The following JAK1 variants were observed in gnomAD, a reference collection of about 807,000 sequenced individuals.
JAK1 encodes the protein tyrosine-protein kinase JAK1.
A neutral mutation model predicts 136.6 loss-of-function variants in JAK1; 16 were observed. The observed-to-expected ratio is 0.12, with a 90% CI of 0.08 to 0.18. The LOEUF is 0.18. JAK1 is among the 10% of genes least tolerant of loss of function. JAK1 has a pLI of 1.00. For missense variants in JAK1, 859 were observed against 1,450.1 expected, an observed-to-expected ratio of 0.59 and a Z score of 6.62; for synonymous variants, 492 against 519.5, an observed-to-expected ratio of 0.95 and a Z score of 0.72.
intron 1 of JAK1, among the ~76,000 whole-genome samples, chr1:64,929,421 A>G (rs1286468388): frequency 6.6e-6 from 1 of 152,204 alleles, no homozygotes; most frequent in Non-Finnish European, 1.5e-5. Context: ...CTTATCTGCA[A>G]TTACTTATCC....
chr1:64,834,573 G>C lies in JAK1; in HGVS notation c.3454C>G (p.Leu1152Val). 6.2e-7 allele frequency: 1 copy of C among 1,600,820 alleles called. No homozygotes were observed. The highest frequency in any genetic ancestry group is 8.6e-7 in the Non-Finnish European group (1 of 1,168,642). Residue 1152 changes from leucine to valine, a missense_variant, in exon 25 of 25, where the codon CTT (leucine) becomes GTT (valine). Around this residue, in one of 4 missense-constraint regions of JAK1, gnomAD observed 53 missense variants for 64.8 expected, o/e 0.82. Transcript: ENST00000342505. ...FQNLIEGFEA[L>V]LK is the part of the protein sequence containing the mutation. ...GTTATTCATGCTTCTTATTTTAAAA[G>C]TGCTTCAAATCCTTCAATAAGGTTC...
intron 1 of JAK1, among the ~76,000 whole-genome samples, chr1:64,887,560 C>T (rs1313399046): frequency 2.0e-5 from 3 of 152,134 alleles, no homozygotes; most frequent in South Asian, 4.1e-4. Flanking sequence ...AAGGGCAATA[C>T]GGTCCCTGCC....
intron 2 of JAK1, among the ~76,000 whole-genome samples, chr1:65,019,687 T>G (rs974116152): frequency 6.6e-6 from 1 of 152,064 alleles, no homozygotes; most frequent in African/African-American, 2.4e-5. Context: ...GAGGCCAATG[T>G]GGGTGGATCA....
chr1:64,982,750 G>A (rs150343162), intron 2 of JAK1, among the ~76,000 whole-genome samples: 1 of 150,722 alleles, frequency 6.6e-6, no homozygotes, highest in East Asian at 1.9e-4. Flanking sequence ...TGTAAAATGG[G>A]AGTGATAATA....
intron 1 of JAK1, among the ~76,000 whole-genome samples, chr1:64,958,237 T>C (rs7546535): frequency 0.66 from 100,380 of 152,084 alleles, 35,557 homozygotes; most frequent in Middle Eastern, 0.88. Flanking sequence ...CAAGTGGGCT[T>C]ACAATTTATG....
Position 65,018,487 on chromosome 1 carries a change from A to AC in JAK1, c.-78+25992_-78+25993insG, listed in dbSNP as rs1394294153. Reference sequence around the variant, plus strand: ...CAGAGAGAGAGAGAGAGAGAGAGAGAACACACACACACACACACACACACA... The same window carrying AC: ...CAGAGAGAGAGAGAGAGAGAGAGAGACACACACACACACACACACACACACA... On this transcript the variant is annotated intron_variant, in intron 2 of 25. Coordinates refer to the JAK1 transcript ENST00000671954. 5.5e-3 allele frequency among the ~76,000 whole-genome samples: 524 copies of AC among 95,890 alleles called. 4 individuals are homozygous for AC. Among genetic ancestry groups the AC allele is most frequent in the African/African-American group, 0.022 (422 of 19,132 alleles). 62.9% of individuals were successfully genotyped at this position (95,890 alleles called of 152,430 possible). A position where few individuals can be genotyped will look rare whatever the true frequency, so the allele number is the denominator to read the frequency against.
chr1:64,967,816 A>T (rs1212581741), upstream of JAK1, among the ~76,000 whole-genome samples: 2 of 152,190 alleles, frequency 1.3e-5, no homozygotes, highest in East Asian at 3.9e-4. Context: ...TACAGAAAAG[A>T]GGACCAAAGA....
At chr1:65,035,419 G>A (rs916787731) in intron 2 of JAK1, among the ~76,000 whole-genome samples, 28 of 152,286 alleles carry the variant, frequency 1.8e-4, no homozygotes, top group Admixed American at 5.9e-4. Context: ...AAACGCATCC[G>A]TGAGATGTCA....
intron 1 of JAK1, among the ~76,000 whole-genome samples, chr1:64,944,132 G>A (rs534427881): frequency 2.2e-4 from 32 of 146,410 alleles, no homozygotes; most frequent in Non-Finnish European, 1.8e-4. Flanking sequence ...TGAGGCAGGA[G>A]AATGGCATGA....
At chr1:64,910,310 C>T (rs1342116022) in intron 1 of JAK1, among the ~76,000 whole-genome samples, 2 of 151,634 alleles carry the variant, frequency 1.3e-5, no homozygotes, top group Admixed American at 6.6e-5. Context: ...GGATGGGCTA[C>T]GAATTTGGCT....
intron 1 of JAK1, among the ~76,000 whole-genome samples, chr1:64,946,226 C>T (rs933400269): frequency 6.6e-6 from 1 of 152,218 alleles, no homozygotes; most frequent in African/African-American, 2.4e-5. Flanking sequence ...ACACAGTGGT[C>T]GTCTTCTATT....
chr1:64,977,375 C>T (rs940074847), intron 2 of JAK1, among the ~76,000 whole-genome samples: 1 of 152,114 alleles, frequency 6.6e-6, no homozygotes, highest in Admixed American at 6.6e-5. Flanking sequence ...TGGTCTCGAA[C>T]CCCTGGGCTC....
At chr1:64,895,614 T>C (rs536389699) in intron 1 of JAK1, among the ~76,000 whole-genome samples, 1 of 152,352 alleles carries the variant, frequency 6.6e-6, no homozygotes, top group Admixed American at 6.5e-5. Flanking sequence ...GATGTTTCAA[T>C]ACAAACAGCT....
At chr1:64,959,178 G>GA (rs1192060306) in intron 1 of JAK1, among the ~76,000 whole-genome samples, 1 of 152,186 alleles carries the variant, frequency 6.6e-6, no homozygotes, top group African/African-American at 2.4e-5. Flanking sequence ...GGCAACAACT[G>GA]TTCTTGAGTA....
chr1:64,927,376 T>G (rs1645600610), intron 1 of JAK1, among the ~76,000 whole-genome samples: 1 of 152,218 alleles, frequency 6.6e-6, no homozygotes, highest in African/African-American at 2.4e-5. Context: ...TCTTCCTTTT[T>G]TTTCCATCTT....
intron 1 of JAK1, among the ~76,000 whole-genome samples, chr1:65,055,482 T>A (rs1382135583): frequency 6.6e-6 from 1 of 152,174 alleles, no homozygotes; most frequent in African/African-American, 2.4e-5. Flanking sequence ...TCTGTCAGAG[T>A]GCCGCCTTTC....
At chr1:64,858,438 C>T (rs568003686) in intron 9 of JAK1, among the ~76,000 whole-genome samples, 16 of 152,318 alleles carry the variant, frequency 1.1e-4, no homozygotes, top group African/African-American at 3.4e-4. Context: ...TTTCTAACTG[C>T]GCCATGCCTT....
intron 1 of JAK1, among the ~76,000 whole-genome samples, chr1:64,911,082 A>T (rs1309351199): frequency 2.4e-5 from 1 of 42,330 alleles, no homozygotes; most frequent in Admixed American, 2.0e-4. Flanking sequence ...ATTATTCAGG[A>T]GTGAAAAAAA....
intron 3 of JAK1, among the ~76,000 whole-genome samples, chr1:64,881,725 G>A (rs759865992): frequency 2.6e-5 from 4 of 152,244 alleles, no homozygotes; most frequent in Middle Eastern, 3.4e-3. Context: ...GAGGTCCAGC[G>A]ACTGTGTCCA....
Sources: allele counts gnomAD v4.1 joint callset (sites outside exome capture counted in the v4.1 genomes callset), GRCh38; gene constraint gnomAD v4.1.1; regional missense constraint gnomAD v4.1.1; transcripts MANE v1.5; gene names NCBI Gene and HGNC (gene_info 2026-07-23, HGNC 2026-07-21).